The following PCDH15 variants were observed in gnomAD, a reference collection of about 807,000 sequenced individuals.
PCDH15 encodes the protein protocadherin-15.
PCDH15 carries 129 observed loss-of-function variants against 178.5 expected under a neutral mutation model. That is an observed-to-expected ratio of 0.72 (90% CI 0.63 to 0.84). The LOEUF (loss-of-function observed/expected upper bound fraction) is 0.84, where lower values mean the gene tolerates loss of function less well. PCDH15 is among the 40% of genes least tolerant of loss of function. The probability of loss-of-function intolerance (pLI) is 0.00; values close to 1 mark genes in which losing one functional copy is unlikely to be tolerated. For missense variants in PCDH15, 2,230 were observed against 2,099.9 expected (o/e 1.06, Z -1.21); for synonymous variants, 800 against 732.0 (o/e 1.09, Z -1.50).
At chr10:55,113,414 T>C (rs1465229880) in intron 2 of PCDH15, among the ~76,000 whole-genome samples, 1 of 139,168 alleles carries the variant, frequency 7.2e-6, no homozygotes, top group East Asian at 2.1e-4. Context: ...AGTTCCATGC[T>C]AAAAAAAAAA....
intron 2 of PCDH15, among the ~76,000 whole-genome samples, chr10:55,074,297 C>T (rs571842082): frequency 6.6e-5 from 10 of 152,038 alleles, no homozygotes; most frequent in Non-Finnish European, 1.5e-4. Flanking sequence ...CAGTATCTTC[C>T]ACAATGGTTG....
In PCDH15 at chr10:53,840,323, A is replaced by T; in HGVS notation, c.3980T>A (p.Phe1327Tyr). The T allele has an allele frequency of 6.2e-7, 1 of 1,614,070 alleles. No homozygotes were observed. The highest frequency in any genetic ancestry group is 8.5e-7 in the Non-Finnish European group (1 of 1,179,914). ...ACAGATAACAAAAAGCACTTACTTA[A>T]AAAGCTCATTTCTATCGATGGCTCT... ...TNRAIDRNEL[F>Y]KFLDGKLLDI... is the part of the protein sequence containing the mutation. Residue 1327 changes from phenylalanine to tyrosine, a missense_variant, in exon 29 of 38, where the codon TTT (phenylalanine) becomes TAT (tyrosine). Transcript: ENST00000644397.
intron 7 of PCDH15, among the ~76,000 whole-genome samples, chr10:54,327,958 T>C (rs968272879): frequency 6.6e-6 from 1 of 152,082 alleles, no homozygotes; most frequent in African/African-American, 2.4e-5. Flanking sequence ...TTACAATTGA[T>C]GAATCTACAT....
intron 1 of PCDH15, among the ~76,000 whole-genome samples, chr10:55,279,216 G>C (rs548504014): frequency 1.3e-5 from 2 of 152,190 alleles, no homozygotes; most frequent in African/African-American, 4.8e-5. Context: ...AAAATAATGG[G>C]AGCATCACTA....
At chr10:55,199,358 A>G (rs1414488791) in intron 1 of PCDH15, among the ~76,000 whole-genome samples, 1 of 152,056 alleles carries the variant, frequency 6.6e-6, no homozygotes, top group Non-Finnish European at 1.5e-5. Context: ...AACTTAAGAG[A>G]GATGATTTAG....
At chr10:54,756,962 A>G (rs1177055312) in intron 1 of PCDH15, among the ~76,000 whole-genome samples, 1 of 151,322 alleles carries the variant, frequency 6.6e-6, no homozygotes, top group Non-Finnish European at 1.5e-5. Flanking sequence ...TGGACTTCCT[A>G]TTATTGTATT....
chr10:54,784,942 AC>A (rs1246812438), intron 1 of PCDH15, among the ~76,000 whole-genome samples: 1 of 151,916 alleles, frequency 6.6e-6, no homozygotes. Flanking sequence ...CGCATACTGA[AC>A]CCATTAATGG....
intron 2 of PCDH15, among the ~76,000 whole-genome samples, chr10:55,155,585 A>G (rs552196670): frequency 2.0e-5 from 3 of 151,756 alleles, no homozygotes; most frequent in East Asian, 3.9e-4. Context: ...GGCCTCATTT[A>G]GGGGCAAAGA....
At chr10:55,579,231 C>A (rs1380544566) in intron 2 of PCDH15, among the ~76,000 whole-genome samples, 1 of 151,984 alleles carries the variant, frequency 6.6e-6, no homozygotes, top group African/African-American at 2.4e-5. Context: ...ATCTCCAATT[C>A]GAAATACTTT....
intron 1 of PCDH15, among the ~76,000 whole-genome samples, chr10:55,184,009 G>T (rs1839726286): frequency 6.6e-6 from 1 of 151,894 alleles, no homozygotes; most frequent in South Asian, 2.1e-4. Flanking sequence ...AAGCTATCAG[G>T]TTTACCTCTC....
intron 2 of PCDH15, among the ~76,000 whole-genome samples, chr10:55,062,417 C>G (rs187573954): frequency 1.1e-4 from 17 of 152,218 alleles, no homozygotes; most frequent in African/African-American, 3.9e-4. Flanking sequence ...TTTGTTATAG[C>G]CATCAGAATA....
chr10:54,119,716 C>T (rs556655333), intron 15 of PCDH15, among the ~76,000 whole-genome samples: 1 of 152,020 alleles, frequency 6.6e-6, no homozygotes, highest in Non-Finnish European at 1.5e-5. Flanking sequence ...AACATCAATA[C>T]TTAAGAAAAT....
chr10:55,312,621 G>GT lies in PCDH15; in HGVS notation c.-156+6977dup, dbSNP rs200245300. ...GATGTTGACTGCTCTAAGTAATAGA[G>GT]TTTTTTTTTTTTTTAGACGTAGTTT... On this transcript the variant is annotated intron_variant, in intron 1 of 5. Transcript: ENST00000458638. Among the ~76,000 whole-genome samples the GT allele has an allele frequency of 8.4e-3, 1,214 of 144,952 alleles. 4 individuals carry two copies. The highest frequency in any genetic ancestry group is 0.014 in the Middle Eastern group (4 of 284).
intron 2 of PCDH15, among the ~76,000 whole-genome samples, chr10:54,563,116 G>A (rs896564693): frequency 1.3e-5 from 2 of 152,114 alleles, no homozygotes; most frequent in African/African-American, 4.8e-5. Context: ...TAAAAAAAGT[G>A]CTATCAAGGT....
intron 1 of PCDH15, among the ~76,000 whole-genome samples, chr10:54,691,464 A>C (rs1480645196): frequency 1.3e-5 from 2 of 151,954 alleles, no homozygotes; most frequent in Non-Finnish European, 2.9e-5. Flanking sequence ...TCTGAACCTC[A>C]TGACTGACAA....
chr10:54,538,604 A>G lies in PCDH15; in HGVS notation c.92-10727T>C, dbSNP rs140974124. Among the ~76,000 whole-genome samples the G allele has an allele frequency of 9.7e-3, 1,478 of 152,228 alleles. 18 individuals are homozygous for G. Among genetic ancestry groups the G allele is most frequent in the African/African-American group, 0.034 (1,395 of 41,520 alleles). On this transcript the variant is annotated intron_variant, in intron 2 of 37. Transcript: ENST00000644397. ...TGTGTCCCCATCCAAATCTCATGTC[A>G]AATTCTAACCTCCAATGTTGGAGGA...
intron 2 of PCDH15, among the ~76,000 whole-genome samples, chr10:54,546,933 A>G (rs910288880): frequency 4.5e-4 from 68 of 152,140 alleles, no homozygotes; most frequent in African/African-American, 1.6e-3. Flanking sequence ...CATCATATTC[A>G]TTTGGGCAAC....
intron 10 of PCDH15, among the ~76,000 whole-genome samples, chr10:54,199,285 A>G (rs934973067): frequency 6.6e-6 from 1 of 152,040 alleles, no homozygotes; most frequent in African/African-American, 2.4e-5. Flanking sequence ...ATCTGTCCAG[A>G]TGTGAAAATG....
chr10:54,863,485 C>T (rs1953882743), intron 3 of PCDH15, among the ~76,000 whole-genome samples: 2 of 152,172 alleles, frequency 1.3e-5, no homozygotes, highest in South Asian at 2.1e-4. Context: ...GAGCTTGCAG[C>T]GAGCCGAGAT....
Sources: gnomAD v4.1 joint callset for allele counts (sites outside exome capture counted in the v4.1 genomes callset) on GRCh38, gnomAD v4.1.1 for gene constraint, MANE v1.5 for transcripts, NCBI Gene and HGNC (gene_info 2026-07-23, HGNC 2026-07-21) for gene names.